KCNA1: variants seen among roughly 807,000 people sequenced by gnomAD.
KCNA1 encodes the protein potassium voltage-gated channel subfamily A member 1.
A neutral mutation model predicts 28.8 loss-of-function variants in KCNA1; 19 were observed. The ratio of observed to expected loss-of-function variants is 0.66; its 90% CI spans 0.46 to 0.97. The LOEUF is 0.97. Ranked by LOEUF, KCNA1 falls within the 50% of genes least tolerant of loss-of-function variation. The pLI is 0.00. For synonymous variants in KCNA1, 311 were observed against 268.8 expected, an observed-to-expected ratio of 1.16 and a Z score of -1.53; for missense variants, 419 against 659.7, an observed-to-expected ratio of 0.64 and a Z score of 4.00.
Position 4,911,858 on chromosome 12 carries a change from C to G in KCNA1, c.480C>G (p.Pro160=). 1.2e-6 allele frequency: 2 copies of G among 1,613,952 alleles called. No individual in the cohort carries two copies. The highest frequency in any genetic ancestry group is 1.7e-4 in the Middle Eastern group (1 of 6,060). Residue 160 remains proline, a synonymous_variant, in exon 2 of 2, where the codon CCC becomes CCG. Transcript: ENST00000382545. This position sits in a 1 kb window ranked among gnomAD's most constrained non-coding sequence, Gnocchi z 6.6. ...AGGTGTGGCTGCTCTTCGAGTACCCCGAGAGCTCGGGGCCCGCCAGGGTCA... is the reference window on the plus strand; with the variant it reads ...AGGTGTGGCTGCTCTTCGAGTACCCGGAGAGCTCGGGGCCCGCCAGGGTCA... ...QRQVWLLFEY[P]ESSGPARVIA... is the part of the protein sequence containing the mutation.
rs1230173943 is a variant in KCNA1, at chr12:4,918,210, A to G, written c.*5344A>G. The G allele has an allele frequency of 6.0e-6, 1 of 167,068 alleles. No individual in the cohort carries two copies. Among genetic ancestry groups the G allele is most frequent in the African/African-American group, 2.4e-5 (1 of 41,450 alleles). 10.3% of individuals were successfully genotyped at this position (167,068 alleles called of 1,614,324 possible). On this transcript the variant is annotated 3_prime_UTR_variant, in exon 2 of 2. Coordinates refer to ENST00000382545, the MANE Select transcript of KCNA1 (RefSeq NM_000217.3). ...GCTTCTGTCACTTTACGATCTGTTC[A>G]TATTTGGCATCAATTAAAGATACTT...
At position 4,911,994 on chromosome 12, in the gene KCNA1, G is replaced by T. The variant is rs1947354982; in HGVS notation, c.616G>T (p.Asp206Tyr). 6.2e-7 allele frequency: 1 copy of T among 1,613,926 alleles called. No homozygotes were observed. The highest frequency in any genetic ancestry group is 1.7e-5 in the Admixed American group (1 of 59,998). The part of the protein sequence containing the change: ...KDFTGTVHRI[D>Y]NTTVIYNSNI... ...CTTCACGGGCACCGTCCACCGCATC[G>T]ACAACACCACGGTCATCTACAATTC... The change falls in exon 2 of 2, where the codon GAC becomes TAC. Residue 206 changes from aspartate (D) to tyrosine (Y), a missense_variant. Physicochemically the swap from Asp to Tyr is radical, Grantham distance 160. Around this residue, in one of 4 missense-constraint regions of KCNA1, gnomAD observed 217 missense variants for 329.6 expected, o/e 0.66. Transcript: ENST00000382545. The surrounding 1 kb of genome is among the most constrained non-coding windows in gnomAD (Gnocchi z 6.6).
At position 4,913,146 on chromosome 12, in the gene KCNA1, G is replaced by C. The variant is rs1356792237; in HGVS notation, c.*280G>C. 1 of 452,776 alleles carries C rather than the reference G, an allele frequency of 2.2e-6. No homozygotes were observed. Among genetic ancestry groups the C allele is most frequent in the Non-Finnish European group, 4.2e-6 (1 of 240,316 alleles). The allele number at this position is 452,776 out of a possible 1,614,324, so 28.0% of individuals were successfully genotyped here. ...ACTGGCTTAAAAAGATTCAGTCCAC[G>C]AACTAGTCTAGGTAAAATAATAATC... On this transcript the variant is annotated 3_prime_UTR_variant, in exon 2 of 2. Coordinates refer to ENST00000382545, the MANE Select transcript of KCNA1 (RefSeq NM_000217.3).
Position 4,911,426 on chromosome 12 carries a change from G to A in KCNA1, c.48G>A (p.Pro16=), listed in dbSNP as rs1206027538. 2.5e-6 allele frequency: 4 copies of A among 1,612,814 alleles called. No homozygotes were observed. Among genetic ancestry groups the A allele is most frequent in the Non-Finnish European group, 3.4e-6 (4 of 1,179,746 alleles). The change falls in exon 2 of 2, where the codon CCG becomes CCA. Residue 16 remains proline (P), a synonymous_variant. Coordinates refer to ENST00000382545, the MANE Select transcript of KCNA1 (RefSeq NM_000217.3). This position sits in a 1 kb window ranked among gnomAD's most constrained non-coding sequence, Gnocchi z 6.6. ...GENVDEASAA[P]GHPQDGSYPR... is the part of the protein sequence containing the mutation. ...ACGTGGACGAGGCTTCGGCCGCCCC[G>A]GGCCACCCCCAGGATGGCAGCTACC...
chr12:4,917,360 G>A lies in KCNA1; in HGVS notation c.*4494G>A. 1 of 166,986 alleles carries A rather than the reference G, an allele frequency of 6.0e-6. No homozygotes were observed. 10.3% of individuals were successfully genotyped at this position (166,986 alleles called of 1,614,324 possible). ...ATGTGAACATGTCTAGTATGACTCAGGTAAACCTTTAAAGAATGTATGTTA... is the reference window on the plus strand; with the variant it reads ...ATGTGAACATGTCTAGTATGACTCAAGTAAACCTTTAAAGAATGTATGTTA... On this transcript the variant is annotated 3_prime_UTR_variant, in exon 2 of 2. Transcript: ENST00000382545.
Position 4,910,563 on chromosome 12 carries a change from C to T in KCNA1, c.-540+91C>T, listed in dbSNP as rs1350748165. 6.6e-6 allele frequency: 1 copy of T among 152,182 alleles called. No homozygotes were observed. The highest frequency in any genetic ancestry group is 1.5e-5 in the Non-Finnish European group (1 of 68,088). 9.4% of individuals were successfully genotyped at this position (152,182 alleles called of 1,614,324 possible). A position where few individuals can be genotyped will look rare whatever the true frequency, so the allele number is the denominator to read the frequency against. ...GGGTGCGGGGATGCTGTCCGGGACC[C>T]TGAGCTTCCCCCGGCGTCTCTCGGC... On this transcript the variant is annotated intron_variant, in intron 1 of 1. Transcript: ENST00000382545. The surrounding 1 kb of genome is among the most constrained non-coding windows in gnomAD (Gnocchi z 4.9).
rs1040734719 is a variant in KCNA1 at position 4,910,508 on chromosome 12, G to A, written c.-540+36G>A. 1 of 152,458 alleles carries A rather than the reference G, an allele frequency of 6.6e-6. No individual in the cohort carries two copies. Among genetic ancestry groups the A allele is most frequent in the African/African-American group, 2.4e-5 (1 of 41,468 alleles). 9.4% of individuals were successfully genotyped at this position (152,458 alleles called of 1,614,324 possible). A position where few individuals can be genotyped will look rare whatever the true frequency, so the allele number is the denominator to read the frequency against. On this transcript the variant is annotated intron_variant, in intron 1 of 1. Transcript: ENST00000382545. The surrounding 1 kb of genome is among the most constrained non-coding windows in gnomAD (Gnocchi z 4.9). The stretch of plus-strand genomic sequence containing the variant: ...CCCCAGCTCGGGGATGCAGAAGCGG[G>A]GGTTGGGGGGACCGGGTGGGGGAGG...
rs1947343103 is a variant in KCNA1, at chr12:4,910,515, G to A, written c.-540+43G>A. 6.6e-6 allele frequency: 1 copy of A among 152,498 alleles called. No homozygotes were observed. Among genetic ancestry groups the A allele is most frequent in the Non-Finnish European group, 1.5e-5 (1 of 68,282 alleles). 9.4% of individuals were successfully genotyped at this position (152,498 alleles called of 1,614,324 possible). On this transcript the variant is annotated intron_variant, in intron 1 of 1. Transcript: ENST00000382545. The surrounding 1 kb of genome is among the most constrained non-coding windows in gnomAD (Gnocchi z 4.9). ...TCGGGGATGCAGAAGCGGGGGTTGGGGGGACCGGGTGGGGGAGGCCGGGGG... is the reference window on the plus strand; with the variant it reads ...TCGGGGATGCAGAAGCGGGGGTTGGAGGGACCGGGTGGGGGAGGCCGGGGG...
At position 4,911,828 on chromosome 12, in the gene KCNA1, G is replaced by A. The variant is rs753264870; in HGVS notation, c.450G>A (p.Gln150=). 1 of 1,614,016 alleles carries A rather than the reference G, an allele frequency of 6.2e-7. No homozygotes were observed. Among genetic ancestry groups the A allele is most frequent in the African/African-American group, 1.3e-5 (1 of 75,018 alleles). ...EERPLPEKEY[Q]RQVWLLFEYP... ...GCCCTCTGCCCGAGAAGGAGTACCAGCGCCAGGTGTGGCTGCTCTTCGAGT... is the reference window on the plus strand; with the variant it reads ...GCCCTCTGCCCGAGAAGGAGTACCAACGCCAGGTGTGGCTGCTCTTCGAGT... Residue 150 remains glutamine (Q), a synonymous_variant, in exon 2 of 2, where the codon CAG becomes CAA. Coordinates refer to ENST00000382545, the MANE Select transcript of KCNA1 (RefSeq NM_000217.3). This position sits in a 1 kb window ranked among gnomAD's most constrained non-coding sequence, Gnocchi z 6.6.
chr12:4,911,601 C>A lies in KCNA1; in HGVS notation c.223C>A (p.Pro75Thr). Residue 75 changes from proline (P) to threonine (T), a missense_variant, in exon 2 of 2, where the codon CCC becomes ACC. By Grantham distance (38) the Pro-to-Thr change is conservative. Transcript: ENST00000382545. This position sits in a 1 kb window ranked among gnomAD's most constrained non-coding sequence, Gnocchi z 6.6. ...NPKKRMRYFDPLRNEYFFDRN... is the reference protein window; with the variant it reads ...NPKKRMRYFDTLRNEYFFDRN... The stretch of plus-strand genomic sequence containing the variant: ...TAAGAAACGCATGCGCTACTTCGAC[C>A]CCCTGAGGAACGAGTACTTCTTCGA... 6.2e-7 allele frequency: 1 copy of A among 1,614,184 alleles called. No homozygotes were observed. Among genetic ancestry groups the A allele is most frequent in the Non-Finnish European group, 8.5e-7 (1 of 1,180,040 alleles).
Position 4,911,544 on chromosome 12 carries a change from G to A in KCNA1, c.166G>A (p.Ala56Thr). The A allele has an allele frequency of 1.9e-6, 3 of 1,614,138 alleles. No homozygotes were observed. Among genetic ancestry groups the A allele is most frequent in the South Asian group, 1.1e-5 (1 of 91,076 alleles). The change falls in exon 2 of 2, where the codon GCG becomes ACG. Residue 56 changes from alanine to threonine, a missense_variant. Ala to Thr is a moderately conservative substitution (Grantham distance 58). Around this residue, in one of 4 missense-constraint regions of KCNA1, gnomAD observed 217 missense variants for 329.6 expected, o/e 0.66. Coordinates refer to ENST00000382545, the MANE Select transcript of KCNA1 (RefSeq NM_000217.3). This position sits in a 1 kb window ranked among gnomAD's most constrained non-coding sequence, Gnocchi z 6.6. ...LRFETQLKTL[A>T]QFPNTLLGNP... ...CTTCGAGACGCAGCTCAAGACCCTG[G>A]CGCAGTTCCCCAACACGCTGCTGGG...
At position 4,914,565 on chromosome 12, in the gene KCNA1, C is replaced by CA. The variant is rs1270169341; in HGVS notation, c.*1700dup. On this transcript the variant is annotated 3_prime_UTR_variant, in exon 2 of 2. Transcript: ENST00000382545. ...TGAACTGTAGAAAGTGCCTCCTTAA[C>CA]ACAGCTGAGAAGTTAGGTAGCAAAA... is the stretch of plus-strand genomic sequence containing the variant. The CA allele has an allele frequency of 7.2e-5, 12 of 167,164 alleles. No individual in the cohort carries two copies. Among genetic ancestry groups the CA allele is most frequent in the African/African-American group, 2.4e-4 (10 of 41,472 alleles). The allele number at this position is 167,164 out of a possible 1,614,324, so 10.4% of individuals were successfully genotyped here. A position where few individuals can be genotyped will look rare whatever the true frequency, so the allele number is the denominator to read the frequency against.
chr12:4,915,602 C>A lies in KCNA1; in HGVS notation c.*2736C>A, dbSNP rs2137676821. 1 of 167,242 alleles carries A rather than the reference C, an allele frequency of 6.0e-6. No individual in the cohort carries two copies. Among genetic ancestry groups the A allele is most frequent in the African/African-American group, 2.4e-5 (1 of 41,582 alleles). 10.4% of individuals were successfully genotyped at this position (167,242 alleles called of 1,614,324 possible). A position where few individuals can be genotyped will look rare whatever the true frequency, so the allele number is the denominator to read the frequency against. ...CTCCCATGTGATGTCTCCTTCTCGT[C>A]TGAACCTTAACTCATTCTGGCGATT... On this transcript the variant is annotated 3_prime_UTR_variant, in exon 2 of 2. Transcript: ENST00000382545.
In KCNA1 at chr12:4,911,720, C is replaced by T. The variant is rs761389490; in HGVS notation, c.342C>T (p.Ser114=). The change falls in exon 2 of 2, where the codon TCC becomes TCT. Residue 114 remains serine, a synonymous_variant. Coordinates refer to ENST00000382545, the MANE Select transcript of KCNA1 (RefSeq NM_000217.3). The surrounding 1 kb of genome is among the most constrained non-coding windows in gnomAD (Gnocchi z 6.6). ...RPVNVPLDMF[S]EEIKFYELGE... ...TCAACGTGCCCCTGGACATGTTCTC[C>T]GAGGAGATCAAGTTTTACGAGTTGG... 18 of 1,614,072 alleles carry T rather than the reference C, an allele frequency of 1.1e-5. No individual in the cohort carries two copies. The African/African-American group carries it at 1.7e-4, about 16-fold the overall frequency.
Position 4,910,351 on chromosome 12 carries a change from C to T in KCNA1, c.-661C>T, listed in dbSNP as rs1341363478. 8.5e-5 allele frequency: 13 copies of T among 152,274 alleles called. No individual in the cohort carries two copies. The highest frequency in any genetic ancestry group is 5.9e-4 in the Admixed American group (9 of 15,288). The allele number at this position is 152,274 out of a possible 1,614,324, so 9.4% of individuals were successfully genotyped here. On this transcript the variant is annotated 5_prime_UTR_variant, in exon 1 of 2. Transcript: ENST00000382545. The surrounding 1 kb of genome is among the most constrained non-coding windows in gnomAD (Gnocchi z 4.9). ...AGGGCGGCGAGTTTGCCCGGCGCGTCTCGGATGCTGCTGCGGCGGCCGCCG... is the reference window on the plus strand; with the variant it reads ...AGGGCGGCGAGTTTGCCCGGCGCGTTTCGGATGCTGCTGCGGCGGCCGCCG...
chr12:4,917,343 A>C lies in KCNA1; in HGVS notation c.*4477A>C, dbSNP rs191491257. The C allele has an allele frequency of 6.0e-6, 1 of 167,108 alleles. No homozygotes were observed. Among genetic ancestry groups the C allele is most frequent in the Non-Finnish European group, 1.5e-5 (1 of 68,118 alleles). The allele number at this position is 167,108 out of a possible 1,614,324, so 10.4% of individuals were successfully genotyped here. A position where few individuals can be genotyped will look rare whatever the true frequency, so the allele number is the denominator to read the frequency against. On this transcript the variant is annotated 3_prime_UTR_variant, in exon 2 of 2. Coordinates refer to ENST00000382545, the MANE Select transcript of KCNA1 (RefSeq NM_000217.3). ...ATGGAATTTCAGGGTATATGTGAAC[A>C]TGTCTAGTATGACTCAGGTAAACCT...
Position 4,917,565 on chromosome 12 carries a change from T to G in KCNA1, c.*4699T>G, listed in dbSNP as rs563715370. On this transcript the variant is annotated 3_prime_UTR_variant, in exon 2 of 2. Coordinates refer to ENST00000382545, the MANE Select transcript of KCNA1 (RefSeq NM_000217.3). ...CTGGGCTTTCTTGGGAAGTCCAGCATGTATGTAAGGGGTGAGGCCCTGCTG... is the reference window on the plus strand; with the variant it reads ...CTGGGCTTTCTTGGGAAGTCCAGCAGGTATGTAAGGGGTGAGGCCCTGCTG... 1 of 167,202 alleles carries G rather than the reference T, an allele frequency of 6.0e-6. No homozygotes were observed. Among genetic ancestry groups the G allele is most frequent in the Admixed American group, 6.5e-5 (1 of 15,304 alleles). The allele number at this position is 167,202 out of a possible 1,614,324, so 10.4% of individuals were successfully genotyped here. A position where few individuals can be genotyped will look rare whatever the true frequency, so the allele number is the denominator to read the frequency against.
In KCNA1 at chr12:4,914,038, A is replaced by C. The variant is rs1947369001; in HGVS notation, c.*1172A>C. 1 of 166,154 alleles carries C rather than the reference A, an allele frequency of 6.0e-6. No individual in the cohort carries two copies. Among genetic ancestry groups the C allele is most frequent in the Non-Finnish European group, 1.5e-5 (1 of 68,042 alleles). The allele number at this position is 166,154 out of a possible 1,614,324, so 10.3% of individuals were successfully genotyped here. On this transcript the variant is annotated 3_prime_UTR_variant, in exon 2 of 2. Coordinates refer to ENST00000382545, the MANE Select transcript of KCNA1 (RefSeq NM_000217.3). ...ATTAATGCATGATTTCAGTAATAAA[A>C]ATTTTAAAAGTAATAAAAATTACAA... is the stretch of plus-strand genomic sequence containing the variant.
chr12:4,915,989 C>T lies in KCNA1; in HGVS notation c.*3123C>T, dbSNP rs1672458955. On this transcript the variant is annotated 3_prime_UTR_variant, in exon 2 of 2. Coordinates refer to ENST00000382545, the MANE Select transcript of KCNA1 (RefSeq NM_000217.3). ...GGTGGTGTGAGGAAAGTGAATGCTG[C>T]TTAGCTCATCTGTAGCTCATTGCAA... The T allele has an allele frequency of 6.0e-6, 1 of 167,080 alleles. No homozygotes were observed. Among genetic ancestry groups the T allele is most frequent in the South Asian group, 2.1e-4 (1 of 4,826 alleles). 10.3% of individuals were successfully genotyped at this position (167,080 alleles called of 1,614,324 possible).
Sources: gnomAD v4.1 joint callset for allele counts on GRCh38, gnomAD v4.1.1 for gene constraint, gnomAD v4.1.1 regional missense constraint, Gnocchi (gnomAD v3.1) non-coding constraint, MANE v1.5 for transcripts, NCBI Gene and HGNC (gene_info 2026-07-23, HGNC 2026-07-21) for gene names.